Variants in ADGRA2 observed in about 807,000 individuals in gnomAD.
The protein encoded by ADGRA2 is adhesion G protein-coupled receptor A2, also known as G-protein coupled receptor 124.
ADGRA2 carries 61 observed loss-of-function variants against 98.7 expected under a neutral mutation model. The observed-to-expected ratio is 0.62, with a 90% CI of 0.50 to 0.76. The LOEUF (loss-of-function observed/expected upper bound fraction) is 0.76. Among genes scored for constraint, ADGRA2 ranks in the 30% least tolerant of loss-of-function variants. The pLI is 0.00. For missense variants in ADGRA2, 1,712 were observed against 1,860.0 expected, an observed-to-expected ratio of 0.92 and a Z score of 1.46; for synonymous variants, 858 against 831.5, an observed-to-expected ratio of 1.03 and a Z score of -0.55.
At position 37,797,217 on chromosome 8, in the gene ADGRA2, C is replaced by A; in HGVS notation, c.-52C>A. On this transcript the variant is annotated 5_prime_UTR_variant, in exon 1 of 19. Coordinates refer to ENST00000412232, the MANE Select transcript of ADGRA2 (RefSeq NM_032777.10). This position sits in a 1 kb window ranked among gnomAD's most constrained non-coding sequence, Gnocchi z 5.3. Reference sequence around the variant, plus strand: ...CTCCCGCACGCCTGGGTCCCTCCGGCCGGCGCGCAGCCCGGCCCCAGCGCT... The same window carrying A: ...CTCCCGCACGCCTGGGTCCCTCCGGACGGCGCGCAGCCCGGCCCCAGCGCT... 1 of 1,196,310 alleles carries A rather than the reference C, an allele frequency of 8.4e-7. No individual in the cohort carries two copies. 74.1% of individuals were successfully genotyped at this position (1,196,310 alleles called of 1,614,324 possible).
At chr8:37,829,189 C>A in intron 3 of ADGRA2, 72 bp from the exon 4 acceptor site, 1 of 1,138,270 alleles carries the variant, frequency 8.8e-7, no homozygotes, top group Non-Finnish European at 1.3e-6. Context: ...TGGCCCCACC[C>A]ATGTGTTCCT....
intron 1 of ADGRA2, among the ~76,000 whole-genome samples, chr8:37,813,504 C>T (rs1563340797): frequency 6.6e-6 from 1 of 152,002 alleles, no homozygotes; most frequent in Non-Finnish European, 1.5e-5. Flanking sequence ...CAACATTGTG[C>T]GTGTGTGTGT....
At chr8:37,833,874 C>A (rs765066840) in intron 10 of ADGRA2, 37 bp downstream of exon 10, 56 of 1,610,352 alleles carry the variant, frequency 3.5e-5, no homozygotes, top group Non-Finnish European at 4.2e-5. Flanking sequence ...TCGGAAAACG[C>A]CCCCATCCCT....
In ADGRA2 at chr8:37,797,451, G is replaced by A; in HGVS notation, c.183G>A (p.Pro61=). 7.1e-7 allele frequency: 1 copy of A among 1,414,464 alleles called. No individual in the cohort carries two copies. The highest frequency in any genetic ancestry group is 9.2e-7 in the Non-Finnish European group (1 of 1,083,066). 87.6% of individuals were successfully genotyped at this position (1,414,464 alleles called of 1,614,324 possible). The change falls in exon 1 of 19, where the codon CCG becomes CCA. Residue 61 remains proline, a synonymous_variant. Transcript: ENST00000412232. This position sits in a 1 kb window ranked among gnomAD's most constrained non-coding sequence, Gnocchi z 5.3. ...GGCTGAGCGGCGGCGTCCCTGGCCC[G>A]GCTCGGCGGAGGGTGGTGTGCAGCG... ...PKGLSGGVPG[P]ARRRVVCSGG... is the part of the protein sequence containing the mutation.
At position 37,841,591 on chromosome 8, in the gene ADGRA2, C is replaced by G. The variant is rs1462691443; in HGVS notation, c.3253C>G (p.Pro1085Ala). The change falls in exon 19 of 19, where the codon CCC (proline) becomes GCC (alanine). Residue 1085 changes from proline (P) to alanine (A), a missense_variant. Transcript: ENST00000412232. This position sits in a 1 kb window ranked among gnomAD's most constrained non-coding sequence, Gnocchi z 5.0. The stretch of plus-strand genomic sequence containing the variant: ...GAGAGCCTCGTGGCGCGCCTGCTGC[C>G]CCCCTGCCTCTCCCGCGGCCCCCCA... The part of the protein sequence containing the change: ...DVRASWRACC[P>A]PASPAAPHAP... 14 of 1,584,410 alleles carry G rather than the reference C, an allele frequency of 8.8e-6. No homozygotes were observed. Among genetic ancestry groups the G allele is most frequent in the Middle Eastern group, 2.1e-4 (1 of 4,860 alleles).
At chr8:37,823,573 T>C (rs571203370) in intron 2 of ADGRA2, among the ~76,000 whole-genome samples, 19 of 152,338 alleles carry the variant, frequency 1.2e-4, no homozygotes, top group African/African-American at 4.1e-4. Flanking sequence ...TGGATGTATC[T>C]GTATTTCTCT....
intron 2 of ADGRA2, among the ~76,000 whole-genome samples, chr8:37,827,081 A>T (rs1805303668): frequency 6.6e-6 from 1 of 152,104 alleles, no homozygotes; most frequent in Admixed American, 6.5e-5. Flanking sequence ...AGTGGGTGGG[A>T]GCCAAGAGGC....
At chr8:37,800,374 A>C (rs543468449) in intron 1 of ADGRA2, among the ~76,000 whole-genome samples, 1 of 152,326 alleles carries the variant, frequency 6.6e-6, no homozygotes, top group Non-Finnish European at 1.5e-5. Flanking sequence ...CACACCTCTC[A>C]GGTGATCTCT....
intron 2 of ADGRA2, among the ~76,000 whole-genome samples, chr8:37,824,306 T>G (rs547844386): frequency 3.2e-4 from 49 of 152,044 alleles, no homozygotes; most frequent in South Asian, 1.2e-3. Flanking sequence ...TGGGATTACA[T>G]GCATGAGCCA....
intron 2 of ADGRA2, among the ~76,000 whole-genome samples, chr8:37,823,190 C>CTTTT (rs34242233): frequency 7.7e-6 from 1 of 130,070 alleles, no homozygotes; most frequent in African/African-American, 2.9e-5. Flanking sequence ...CATGCCCAAC[C>CTTTT]TTTTTTTTTT....
chr8:37,809,931 T>A (rs1357178961), intron 1 of ADGRA2, among the ~76,000 whole-genome samples: 1 of 152,102 alleles, frequency 6.6e-6, no homozygotes, highest in Admixed American at 6.5e-5. Context: ...GGCCAGAGGC[T>A]TGTCCTTGCC....
At position 37,804,872 on chromosome 8, in the gene ADGRA2, C is replaced by T. The variant is rs188866600; in HGVS notation, c.266+7338C>T. Among the ~76,000 whole-genome samples the T allele has an allele frequency of 2.0e-3, 303 of 152,388 alleles. 6 individuals carry two copies. In the East Asian group the frequency reaches 0.02, roughly 10 times the overall value. ...GGCCTAACAAGTACAAGCGTACTCA[C>T]GGGGTCCCTGTACATAAGCACTGCA... On this transcript the variant is annotated intron_variant, in intron 1 of 18. Transcript: ENST00000412232.
At chr8:37,812,171 T>G (rs867603936) in intron 1 of ADGRA2, among the ~76,000 whole-genome samples, 2 of 152,024 alleles carry the variant, frequency 1.3e-5, no homozygotes, top group Non-Finnish European at 2.9e-5. Flanking sequence ...GTTGTTGTTG[T>G]TGTTGTTGTT....
At chr8:37,829,736 G>T (rs1220133480) in intron 5 of ADGRA2, 115 bp from the exon 6 acceptor site, 1 of 1,113,438 alleles carries the variant, frequency 9.0e-7, no homozygotes, top group East Asian at 2.4e-5. Flanking sequence ...GGTGCACATA[G>T]ACCCGATTTT....
chr8:37,826,006 G>A (rs1343153132), intron 2 of ADGRA2, among the ~76,000 whole-genome samples: 2 of 152,210 alleles, frequency 1.3e-5, no homozygotes, highest in Non-Finnish European at 2.9e-5. Flanking sequence ...GGAAATCGAG[G>A]GCAGGAAGAG....
At chr8:37,828,098 C>T (rs933739647) in intron 2 of ADGRA2, among the ~76,000 whole-genome samples, 2 of 152,096 alleles carry the variant, frequency 1.3e-5, no homozygotes, top group South Asian at 4.2e-4. Context: ...GCCATGATCA[C>T]ACCACTGCAC....
Position 37,839,579 on chromosome 8 carries a change from C to A in ADGRA2, c.2468C>A (p.Ala823Glu). ...ATAGCCATGACCTCTGCTGTCTTTG[C>A]GGGGGGCATCACACTCACCAACTAC... is the stretch of plus-strand genomic sequence containing the variant. ...FHIAMTSAVF[A>E]GGITLTNYQM... The change falls in exon 16 of 19, where the codon GCG becomes GAG. Residue 823 changes from alanine to glutamate, a missense_variant. Coordinates refer to ENST00000412232, the MANE Select transcript of ADGRA2 (RefSeq NM_032777.10). 4.3e-6 allele frequency: 7 copies of A among 1,614,034 alleles called. No individual in the cohort carries two copies. Among genetic ancestry groups the A allele is most frequent in the South Asian group, 1.1e-5 (1 of 91,072 alleles).
chr8:37,800,376 G>A (rs1344022295), intron 1 of ADGRA2, among the ~76,000 whole-genome samples: 1 of 152,234 alleles, frequency 6.6e-6, no homozygotes, highest in Non-Finnish European at 1.5e-5. Flanking sequence ...CACCTCTCAG[G>A]TGATCTCTCA....
At chr8:37,808,810 A>C (rs12681115) in intron 1 of ADGRA2, among the ~76,000 whole-genome samples, 25,771 of 151,774 alleles carry the variant, frequency 0.17, 4,295 homozygotes, top group African/African-American at 0.43. Context: ...TTCTTTCTTT[A>C]TTTATTTTTA....
Sources: gnomAD v4.1 joint callset for allele counts (sites outside exome capture counted in the v4.1 genomes callset) on GRCh38, gnomAD v4.1.1 for gene constraint, Gnocchi (gnomAD v3.1) non-coding constraint, MANE v1.5 for transcripts, NCBI Gene and HGNC (gene_info 2026-07-23, HGNC 2026-07-21) for gene names.